Variants in CSF3 observed in about 807,000 individuals in gnomAD.
CSF3 encodes the protein colony stimulating factor 3.
A neutral mutation model predicts 20.2 loss-of-function variants in CSF3; 17 were observed. The observed-to-expected ratio is 0.84, with a 90% CI of 0.58 to 1.26. The LOEUF (loss-of-function observed/expected upper bound fraction) is 1.26. Among genes scored for constraint, CSF3 ranks in the 50% most tolerant of loss-of-function variants. The pLI, the probability that CSF3 is intolerant of heterozygous loss-of-function variation, is 0.00. For missense variants in CSF3, 210 were observed against 256.0 expected (o/e 0.82, Z 1.23); for synonymous variants, 125 against 115.3 (o/e 1.08, Z -0.54).
At position 40,015,741 on chromosome 17, in the gene CSF3, A is replaced by C. The variant is rs1598322169; in HGVS notation, c.91A>C (p.Thr31Pro). The change falls in exon 2 of 5, where the codon ACC becomes CCC. Residue 31 changes from threonine to proline, a missense_variant. By Grantham distance (38) the Thr-to-Pro change is conservative (BLOSUM62 -1). Transcript: ENST00000394149. ...TGCACTCTGGACAGTGCAGGAAGCC[A>C]CCCCCCTGGGCCCTGCCAGCTCCCT... ...HSALWTVQEATPLGPASSLPQ... is the reference protein window; with the variant it reads ...HSALWTVQEAPPLGPASSLPQ... The C allele has an allele frequency of 6.3e-7, 1 of 1,597,916 alleles. No individual in the cohort carries two copies. Among genetic ancestry groups the C allele is most frequent in the Non-Finnish European group, 8.5e-7 (1 of 1,171,950 alleles).
rs936446589 is a variant in CSF3 at position 40,017,065 on chromosome 17, T to C, written c.*106T>C. On this transcript the variant is annotated 3_prime_UTR_variant, in exon 5 of 5. Coordinates refer to ENST00000394149, the MANE Select transcript of CSF3 (RefSeq NM_172219.3). ...AGCAGAACGGAGCCCCAGGCCTCTGTGTCCTTCCCTGCATTTCTGAGTTTC... is the reference window on the plus strand; with the variant it reads ...AGCAGAACGGAGCCCCAGGCCTCTGCGTCCTTCCCTGCATTTCTGAGTTTC... 32 of 1,082,200 alleles carry C rather than the reference T, an allele frequency of 3.0e-5. No individual in the cohort carries two copies. The highest frequency in any genetic ancestry group is 3.9e-5 in the Non-Finnish European group (31 of 787,506). 67.0% of individuals were successfully genotyped at this position (1,082,200 alleles called of 1,614,324 possible).
rs1375654251 is a variant in CSF3, at chr17:40,017,161, A to G, written c.*202A>G. ...CCCTGGACTGGGAGGTAGATAGGTAAATACCAAGTATTTATTACTATGACT... is the reference window on the plus strand; with the variant it reads ...CCCTGGACTGGGAGGTAGATAGGTAGATACCAAGTATTTATTACTATGACT... On this transcript the variant is annotated 3_prime_UTR_variant, in exon 5 of 5. Transcript: ENST00000394149. The G allele has an allele frequency of 5.8e-6, 3 of 516,358 alleles. No homozygotes were observed. Among genetic ancestry groups the G allele is most frequent in the South Asian group, 3.1e-5 (1 of 32,544 alleles). 32.0% of individuals were successfully genotyped at this position (516,358 alleles called of 1,614,324 possible). A position where few individuals can be genotyped will look rare whatever the true frequency, so the allele number is the denominator to read the frequency against.
chr17:40,016,380 A>G (rs755952736), intron 3 of CSF3, 40 bp downstream of exon 3: 2 of 1,606,748 alleles, frequency 1.2e-6, no homozygotes, highest in Non-Finnish European at 1.7e-6. Flanking sequence ...AGGAGGGGGA[A>G]GGAGAGGAGG....
Position 40,015,782 on chromosome 17 carries a change from G to T in CSF3, c.132G>T (p.Leu44=). Residue 44 remains leucine (L), a synonymous_variant, in exon 2 of 5, where the codon CTG becomes CTT. Transcript: ENST00000394149. ...CCAGCTCCCTGCCCCAGAGCTTCCT[G>T]CTCAAGTGCTTAGAGCAAGTGAGGA... ...GPASSLPQSF[L]LKCLEQVRKI... The T allele has an allele frequency of 6.2e-7, 1 of 1,609,960 alleles. No individual in the cohort carries two copies. The highest frequency in any genetic ancestry group is 8.5e-7 in the Non-Finnish European group (1 of 1,178,116).
At chr17:40,016,772 C>T (rs748376299) in intron 4 of CSF3, 23 bp from the exon 5 acceptor site, 1 of 1,612,908 alleles carries the variant, frequency 6.2e-7, no homozygotes, top group South Asian at 1.1e-5. Context: ...GGCCCAACCA[C>T]TGATCACAGC....
rs1423574892 is a variant in CSF3, at chr17:40,015,764, C to T, written c.114C>T (p.Ser38=). Reference sequence around the variant, plus strand: ...CCACCCCCCTGGGCCCTGCCAGCTCCCTGCCCCAGAGCTTCCTGCTCAAGT... The same window carrying T: ...CCACCCCCCTGGGCCCTGCCAGCTCTCTGCCCCAGAGCTTCCTGCTCAAGT... The part of the protein sequence containing the change: ...QEATPLGPAS[S]LPQSFLLKCL... Residue 38 remains serine, a synonymous_variant, in exon 2 of 5, where the codon TCC becomes TCT. Coordinates refer to ENST00000394149, the MANE Select transcript of CSF3 (RefSeq NM_172219.3). The T allele has an allele frequency of 6.2e-7, 1 of 1,606,196 alleles. No homozygotes were observed. The highest frequency in any genetic ancestry group is 8.5e-7 in the Non-Finnish European group (1 of 1,176,108).
chr17:40,015,806 G>A lies in CSF3; in HGVS notation c.156G>A (p.Arg52=), dbSNP rs918866809. 1.2e-6 allele frequency: 2 copies of A among 1,612,078 alleles called. No individual in the cohort carries two copies. Among genetic ancestry groups the A allele is most frequent in the African/African-American group, 2.7e-5 (2 of 74,918 alleles). Residue 52 remains arginine (R), a synonymous_variant, in exon 2 of 5, where the codon AGG becomes AGA. Coordinates refer to ENST00000394149, the MANE Select transcript of CSF3 (RefSeq NM_172219.3). ...TGCTCAAGTGCTTAGAGCAAGTGAG[G>A]AAGATCCAGGGCGATGGCGCAGCGC... ...SFLLKCLEQV[R]KIQGDGAALQ... is the part of the protein sequence containing the mutation.
Position 40,015,765 on chromosome 17 carries a change from C to G in CSF3, c.115C>G (p.Leu39Val), listed in dbSNP as rs543073657. 6 of 1,606,416 alleles carry G rather than the reference C, an allele frequency of 3.7e-6. No individual in the cohort carries two copies. The South Asian group carries it at 6.7e-5, about 18-fold the overall frequency. ...CACCCCCCTGGGCCCTGCCAGCTCC[C>G]TGCCCCAGAGCTTCCTGCTCAAGTG... Reference protein sequence around the residue: ...EATPLGPASSLPQSFLLKCLE... With the variant: ...EATPLGPASSVPQSFLLKCLE... Residue 39 changes from leucine (L) to valine (V), a missense_variant, in exon 2 of 5, where the codon CTG becomes GTG. Leu to Val is a conservative substitution (Grantham distance 32, BLOSUM62 1). Transcript: ENST00000394149.
In CSF3 at chr17:40,016,332, C is replaced by T; in HGVS notation, c.295C>T (p.Leu99=). 2.5e-6 allele frequency: 4 copies of T among 1,612,616 alleles called. No homozygotes were observed. Among genetic ancestry groups the T allele is most frequent in the Non-Finnish European group, 3.4e-6 (4 of 1,179,216 alleles). Residue 99 remains leucine, a synonymous_variant, in exon 3 of 5, where the codon CTG becomes TTG. Transcript: ENST00000394149. ...CCTGAGCAGCTGCCCCAGCCAGGCCCTGCAGCTGGTGAGTGTCAGGAAAGG... is the reference window on the plus strand; with the variant it reads ...CCTGAGCAGCTGCCCCAGCCAGGCCTTGCAGCTGGTGAGTGTCAGGAAAGG... ...APLSSCPSQA[L]QLAGCLSQLH...
chr17:40,016,283 C>T lies in CSF3; in HGVS notation c.246C>T (p.His82=), dbSNP rs766917781. The T allele has an allele frequency of 1.3e-6, 2 of 1,594,308 alleles. No homozygotes were observed. The highest frequency in any genetic ancestry group is 4.6e-5 in the East Asian group (2 of 43,754). ...CCGAGGAGCTGGTGCTGCTCGGACA[C>T]TCTCTGGGCATCCCCTGGGCTCCCC... is the stretch of plus-strand genomic sequence containing the variant. ...CHPEELVLLG[H]SLGIPWAPLS... The change falls in exon 3 of 5, where the codon CAC becomes CAT. Residue 82 remains histidine, a synonymous_variant. Coordinates refer to ENST00000394149, the MANE Select transcript of CSF3 (RefSeq NM_172219.3).
chr17:40,015,921 A>G (rs1981354156), intron 2 of CSF3, 76 bp downstream of exon 2: 3 of 1,509,780 alleles, frequency 2.0e-6, no homozygotes, highest in Non-Finnish European at 2.7e-6. Context: ...TGCAGGGCCA[A>G]CATCCTCTGG....
chr17:40,016,538 G>A lies in CSF3; in HGVS notation c.357G>A (p.Leu119=). ...GCCTTTTCCTCTACCAGGGGCTCCT[G>A]CAGGCCCTGGAAGGGATCTCCCCCG... is the stretch of plus-strand genomic sequence containing the variant. ...HSGLFLYQGL[L]QALEGISPEL... is the part of the protein sequence containing the mutation. Residue 119 remains leucine (L), a synonymous_variant, in exon 4 of 5, where the codon CTG becomes CTA. Coordinates refer to ENST00000394149, the MANE Select transcript of CSF3 (RefSeq NM_172219.3). 1 of 1,614,160 alleles carries A rather than the reference G, an allele frequency of 6.2e-7. No individual in the cohort carries two copies. Among genetic ancestry groups the A allele is most frequent in the Non-Finnish European group, 8.5e-7 (1 of 1,180,022 alleles).
chr17:40,016,859 C>T lies in CSF3; in HGVS notation c.515C>T (p.Ser172Phe), dbSNP rs763688260. ...PTQGAMPAFASAFQRRAGGVL... is the reference protein window; with the variant it reads ...PTQGAMPAFAFAFQRRAGGVL... ...CAGGGTGCCATGCCGGCCTTCGCCT[C>T]TGCTTTCCAGCGCCGGGCAGGAGGG... The change falls in exon 5 of 5, where the codon TCT becomes TTT. Residue 172 changes from serine to phenylalanine, a missense_variant. Coordinates refer to ENST00000394149, the MANE Select transcript of CSF3 (RefSeq NM_172219.3). 6.2e-7 allele frequency: 1 copy of T among 1,613,592 alleles called. No homozygotes were observed. Among genetic ancestry groups the T allele is most frequent in the South Asian group, 1.1e-5 (1 of 91,044 alleles).
At chr17:40,015,881 C>A in intron 2 of CSF3, 36 bp downstream of exon 2, 1 of 1,580,720 alleles carries the variant, frequency 6.3e-7, no homozygotes, top group South Asian at 1.1e-5. Context: ...TGGAGGGAAG[C>A]CCGGTGGGGA....
At chr17:40,016,405 C>T (rs913307825) in intron 3 of CSF3, 65 bp downstream of exon 3, 10 of 1,603,016 alleles carry the variant, frequency 6.2e-6, no homozygotes, top group Admixed American at 1.7e-5. Flanking sequence ...CCCATGGGCT[C>T]CCCCATGTCT....
chr17:40,016,148 G>GGAAAGACCA, intron 2 of CSF3, 85 bp from the exon 3 acceptor site: 1 of 1,087,428 alleles, frequency 9.2e-7, no homozygotes, highest in East Asian at 2.6e-5. Flanking sequence ...TGGAGGGAGG[G>GGAAAGACCA]GAAAGACCAG....
chr17:40,015,969 G>T, intron 2 of CSF3, 124 bp downstream of exon 2: 1 of 1,370,580 alleles, frequency 7.3e-7, no homozygotes, highest in South Asian at 1.5e-5. Flanking sequence ...GTGGAGCTGG[G>T]GAAGGCTGGG....
intron 2 of CSF3, 180 bp downstream of exon 2, chr17:40,016,025 G>T: frequency 9.8e-7 from 1 of 1,016,946 alleles, no homozygotes; most frequent in Non-Finnish European, 1.4e-6. Context: ...TGCTCGGGAG[G>T]GCTGGCTGGG....
rs1396760560 is a variant in CSF3 at position 40,017,731 on chromosome 17, C to T, written c.*772C>T. 1 of 152,524 alleles carries T rather than the reference C, an allele frequency of 6.6e-6. No individual in the cohort carries two copies. Among genetic ancestry groups the T allele is most frequent in the Non-Finnish European group, 1.5e-5 (1 of 68,220 alleles). The allele number at this position is 152,524 out of a possible 1,614,324, so 9.4% of individuals were successfully genotyped here. On this transcript the variant is annotated 3_prime_UTR_variant, in exon 5 of 5. Transcript: ENST00000394149. ...GAAAGGAAGCTCCACTGTCACCCTC[C>T]ACCTCTTCACCCCCCACTCACCAGT...
Sources: allele counts gnomAD v4.1 joint callset, GRCh38; gene constraint gnomAD v4.1.1; transcripts MANE v1.5; gene names NCBI Gene and HGNC (gene_info 2026-07-23, HGNC 2026-07-21).